TSC2: variants seen among roughly 807,000 people sequenced by gnomAD.
The protein encoded by TSC2 is TSC complex subunit 2.
Under a neutral mutation model 202.2 loss-of-function variants are expected in TSC2, and 29 were observed. The observed-to-expected ratio is 0.14, with a 90% CI of 0.11 to 0.20. TSC2 has a LOEUF of 0.20. Among genes scored for constraint, TSC2 ranks in the 10% least tolerant of loss-of-function variants. TSC2 has a pLI of 1.00. For missense variants in TSC2, 2,429 were observed against 2,420.0 expected (o/e 1.00, Z -0.08); for synonymous variants, 1,349 against 1,044.0 (o/e 1.29, Z -5.63).
chr16:2,077,810 A>G (rs2089614810), intron 26 of TSC2, 84 bp downstream of exon 26: 15 of 1,594,010 alleles, frequency 9.4e-6, no homozygotes, highest in East Asian at 2.2e-5. Flanking sequence ...GGCTGCTTGC[A>G]TGACCTCATC....
At chr16:2,080,725 C>T (rs1163772355) in intron 30 of TSC2, 36 of 297,848 alleles carry the variant, frequency 1.2e-4, no homozygotes, top group South Asian at 9.0e-4. Flanking sequence ...ACCTCGTGAT[C>T]CGCCCGCCTT....
intron 5 of TSC2, chr16:2,054,979 C>G (rs2085584461): frequency 2.9e-6 from 1 of 344,320 alleles, no homozygotes; most frequent in African/African-American, 2.1e-5. Flanking sequence ...AGGTGCCGGC[C>G]AGGTGCCTAC....
At chr16:2,069,742 A>G (rs2087964600) in intron 16 of TSC2, among the ~76,000 whole-genome samples, 1 of 152,112 alleles carries the variant, frequency 6.6e-6, no homozygotes, top group Non-Finnish European at 1.5e-5. Flanking sequence ...GGCTTCCCAA[A>G]GTGCTGGGAT....
intron 33 of TSC2, 133 bp from the exon 34 acceptor site, chr16:2,084,095 C>G (rs1033264533): frequency 1.3e-6 from 2 of 1,490,668 alleles, no homozygotes; most frequent in East Asian, 2.5e-5. Flanking sequence ...GGGCGGGGGC[C>G]GTAGCCTGGT....
chr16:2,053,163 G>A (rs529431929), intron 3 of TSC2, among the ~76,000 whole-genome samples, 179 bp from the exon 4 acceptor site: 15 of 152,176 alleles, frequency 9.9e-5, no homozygotes, highest in Non-Finnish European at 1.8e-4. Context: ...TTCCCTGTAC[G>A]AAGCCTGTGG....
At chr16:2,084,894 C>T in intron 34 of TSC2, 57 bp from the exon 35 acceptor site, 1 of 1,608,470 alleles carries the variant, frequency 6.2e-7, no homozygotes, top group Non-Finnish European at 8.5e-7. Flanking sequence ...TCCCTGTGGG[C>T]TGTGGCTGCC....
Position 2,086,824 on chromosome 16 carries a change from A to G in TSC2, c.4942A>G (p.Ile1648Val), listed in dbSNP as rs749554579. 9.3e-6 allele frequency: 15 copies of G among 1,608,884 alleles called. No homozygotes were observed. The South Asian group carries it at 1.4e-4, about 15-fold the overall frequency. The change falls in exon 38 of 42, where the codon ATT (isoleucine) becomes GTT (valine). Residue 1648 changes from isoleucine (I) to valine (V), a missense_variant. Ile to Val is a conservative substitution (Grantham distance 29). Coordinates refer to ENST00000219476, the MANE Select transcript of TSC2 (RefSeq NM_000548.5). ...KRHLGNDFVS[I>V]VYNDSGEDFK... ...CCACCTGGGCAACGACTTTGTGTCCATTGTCTACAATGACTCCGGTGAGGA... is the reference window on the plus strand; with the variant it reads ...CCACCTGGGCAACGACTTTGTGTCCGTTGTCTACAATGACTCCGGTGAGGA...
chr16:2,083,894 C>G, intron 33 of TSC2, 78 bp downstream of exon 33: 1 of 1,533,742 alleles, frequency 6.5e-7, no homozygotes, highest in Non-Finnish European at 8.7e-7. Context: ...GTGGGTGTGC[C>G]TGCACCCTGG....
chr16:2,048,472 G>A (rs1248783887), intron 1 of TSC2, 115 bp from the exon 2 acceptor site: 8 of 1,327,792 alleles, frequency 6.0e-6, no homozygotes, highest in Admixed American at 1.9e-5. Flanking sequence ...CAGGGAGTGT[G>A]GGAGGAAAGG....
chr16:2,068,388 G>A (rs559329349), intron 16 of TSC2, among the ~76,000 whole-genome samples: 10 of 152,238 alleles, frequency 6.6e-5, no homozygotes, highest in African/African-American at 2.4e-4. Flanking sequence ...GTTGACTCTT[G>A]AACAGTATGG....
intron 26 of TSC2, among the ~76,000 whole-genome samples, 180 bp downstream of exon 26, chr16:2,077,906 A>C (rs1036493248): frequency 7.2e-5 from 11 of 151,992 alleles, no homozygotes; most frequent in African/African-American, 2.7e-4. Flanking sequence ...GCCCCGTATG[A>C]GCACGGGCTG....
chr16:2,083,147 C>G lies in TSC2; in HGVS notation c.3884-548C>G, dbSNP rs1410695701. 6.6e-6 allele frequency: 3 copies of G among 456,734 alleles called. 1 individual carries two copies. Among genetic ancestry groups the G allele is most frequent in the South Asian group, 3.1e-5 (2 of 64,558 alleles). The allele number at this position is 456,734 out of a possible 1,614,324, so 28.3% of individuals were successfully genotyped here. On this transcript the variant is annotated intron_variant, in intron 32 of 41. Transcript: ENST00000219476. ...GTGATGGTCCCCTCTGTTGCTGCTT[C>G]TACTTCCTCTCCCCCTGTCCTGACG...
intron 15 of TSC2, 38 bp from the exon 16 acceptor site, chr16:2,065,481 C>A (rs1800741): frequency 2.0e-6 from 3 of 1,486,540 alleles, no homozygotes; most frequent in Non-Finnish European, 2.8e-6. Context: ...GACTCAGAAC[C>A]ATGAGCCTGT....
chr16:2,063,872 G>A lies in TSC2; in HGVS notation c.1444-400G>A, dbSNP rs373891569. On this transcript the variant is annotated intron_variant, in intron 14 of 41. Coordinates refer to ENST00000219476, the MANE Select transcript of TSC2 (RefSeq NM_000548.5). ...AGCACGCACACACACGCATATTCAC[G>A]CATGCACAGGCACACACGTGCACAT... 23 of 351,458 alleles carry A rather than the reference G, an allele frequency of 6.5e-5. 1 individual carries two copies. The East Asian group carries it at 9.9e-4, about 15-fold the overall frequency. The allele number at this position is 351,458 out of a possible 1,614,324, so 21.8% of individuals were successfully genotyped here.
chr16:2,061,216 G>A (rs1363920514), intron 11 of TSC2: 2 of 326,514 alleles, frequency 6.1e-6, no homozygotes, highest in African/African-American at 2.1e-5. Flanking sequence ...GGACTCCACG[G>A]CCACACGGGC....
intron 2 of TSC2, among the ~76,000 whole-genome samples, chr16:2,049,282 C>T (rs891610792): frequency 3.9e-5 from 6 of 151,982 alleles, no homozygotes; most frequent in South Asian, 2.1e-4. Flanking sequence ...GATGGAGTTT[C>T]ACTATCTTGG....
In TSC2 at chr16:2,072,112, C is replaced by T. The variant is rs781080997; in HGVS notation, c.2098-129C>T. The T allele has an allele frequency of 8.4e-6, 13 of 1,552,542 alleles. No homozygotes were observed. The African/African-American group carries it at 1.6e-4, about 19-fold the overall frequency. ...GACAGAGGCCTGCGCTGGGCAGGCT[C>T]CCCCGGCTGAGAACAGGGCTCCATA... is the stretch of plus-strand genomic sequence containing the variant. On this transcript the variant is annotated intron_variant, in intron 19 of 41. Coordinates refer to ENST00000219476, the MANE Select transcript of TSC2 (RefSeq NM_000548.5).
At chr16:2,048,971 G>A (rs930819161) in intron 2 of TSC2, among the ~76,000 whole-genome samples, 8 of 152,222 alleles carry the variant, frequency 5.3e-5, no homozygotes, top group African/African-American at 1.7e-4. Context: ...CTATTCAGAT[G>A]TTGATGAAAG....
intron 15 of TSC2, chr16:2,064,802 G>C: frequency 5.8e-6 from 2 of 343,972 alleles, no homozygotes; most frequent in Non-Finnish European, 1.1e-5. Context: ...GGTATAAAGG[G>C]CATCTTTGCT....
Sources: gnomAD v4.1 joint callset for allele counts (sites outside exome capture counted in the v4.1 genomes callset) on GRCh38, gnomAD v4.1.1 for gene constraint, MANE v1.5 for transcripts, NCBI Gene and HGNC (gene_info 2026-07-23, HGNC 2026-07-21) for gene names.